The following DYM variants were observed in gnomAD, a reference collection of about 807,000 sequenced individuals.
The protein encoded by DYM is dyggve-Melchior-Clausen syndrome protein.
A neutral mutation model predicts 93.1 loss-of-function variants in DYM; 78 were observed. The ratio of observed to expected loss-of-function variants is 0.84; its 90% confidence interval spans 0.70 to 1.01. DYM has a LOEUF of 1.01. Among genes scored for constraint, DYM ranks in the 50% least tolerant of loss-of-function variants. The probability of loss-of-function intolerance (pLI) is 0.00; values close to 1 mark genes in which losing one functional copy is unlikely to be tolerated. For missense variants in DYM, 789 were observed against 845.0 expected (o/e 0.93, Z 0.82); for synonymous variants, 321 against 319.7 (o/e 1.00, Z -0.04).
At chr18:49,455,115 G>A (rs2082871181) in intron 1 of DYM, among the ~76,000 whole-genome samples, 1 of 152,132 alleles carries the variant, frequency 6.6e-6, no homozygotes, top group East Asian at 1.9e-4. Flanking sequence ...CTCACTAAAG[G>A]GCATGCCTTC....
At chr18:49,329,215 A>G (rs1412387363) in intron 8 of DYM, among the ~76,000 whole-genome samples, 1 of 145,724 alleles carries the variant, frequency 6.9e-6, no homozygotes, top group East Asian at 2.2e-4. Context: ...GTTCTCACTC[A>G]TAGCTGGGAA....
At chr18:49,234,865 T>C (rs940036860) in intron 13 of DYM, among the ~76,000 whole-genome samples, 4 of 152,092 alleles carry the variant, frequency 2.6e-5, no homozygotes, top group Non-Finnish European at 5.9e-5. Context: ...ATTTCAAGCA[T>C]GAGAAGCATC....
intron 8 of DYM, among the ~76,000 whole-genome samples, chr18:49,288,607 C>T (rs1284396811): frequency 6.6e-6 from 1 of 151,754 alleles, no homozygotes; most frequent in Non-Finnish European, 1.5e-5. Flanking sequence ...GGTGAAACCC[C>T]GTCTCTACTA....
chr18:49,196,044 C>A (rs1217939988), intron 14 of DYM, among the ~76,000 whole-genome samples: 2 of 150,968 alleles, frequency 1.3e-5, no homozygotes, highest in African/African-American at 2.4e-5. Flanking sequence ...CCTGCCTCAG[C>A]CTCCCGAGTA....
intron 16 of DYM, among the ~76,000 whole-genome samples, chr18:49,099,875 CAGG>C (rs1221163796): frequency 1.3e-5 from 2 of 152,110 alleles, no homozygotes. Flanking sequence ...GCACTTGTTC[CAGG>C]AGGAGGGGGA....
intron 13 of DYM, among the ~76,000 whole-genome samples, chr18:49,224,250 G>A (rs969399205): frequency 2.6e-4 from 40 of 151,970 alleles, no homozygotes; most frequent in African/African-American, 9.4e-4. Flanking sequence ...TCTGGGAAAG[G>A]GCAAGATTTC....
rs947670035 is a variant in DYM, at chr18:49,043,042, A to G, written c.*1013T>C. 6.6e-6 allele frequency: 1 copy of G among 152,190 alleles called. No homozygotes were observed. The highest frequency in any genetic ancestry group is 1.5e-5 in the Non-Finnish European group (1 of 68,036). The allele number at this position is 152,190 out of a possible 1,614,324, so 9.4% of individuals were successfully genotyped here. A position where few individuals can be genotyped will look rare whatever the true frequency, so the allele number is the denominator to read the frequency against. ...TTAACTTAATTTGTGCTAGACTCCAATTTAATTCCAGCAACAGTTCACAGG... is the reference window on the plus strand; with the variant it reads ...TTAACTTAATTTGTGCTAGACTCCAGTTTAATTCCAGCAACAGTTCACAGG... On this transcript the variant is annotated 3_prime_UTR_variant, in exon 18 of 18. Coordinates refer to ENST00000675505, the MANE Select transcript of DYM (RefSeq NM_001353214.3).
At chr18:49,188,934 CTCA>C (rs1347070096) in intron 14 of DYM, among the ~76,000 whole-genome samples, 1 of 152,144 alleles carries the variant, frequency 6.6e-6, no homozygotes, top group Admixed American at 6.5e-5. Context: ...AACCTAGACG[CTCA>C]TCAATGGTGG....
At chr18:49,422,892 T>A (rs2073878064) in intron 2 of DYM, among the ~76,000 whole-genome samples, 1 of 152,136 alleles carries the variant, frequency 6.6e-6, no homozygotes, top group African/African-American at 2.4e-5. Context: ...CCCAGATTCA[T>A]AAAGCAAGTC....
chr18:49,161,345 A>T (rs1478357809), intron 15 of DYM, among the ~76,000 whole-genome samples: 1 of 152,238 alleles, frequency 6.6e-6, no homozygotes, highest in Admixed American at 6.5e-5. Flanking sequence ...TTCCTCAAAT[A>T]TTAATTTTAT....
intron 16 of DYM, among the ~76,000 whole-genome samples, chr18:49,101,685 A>G (rs1190621543): frequency 6.6e-6 from 1 of 152,198 alleles, no homozygotes; most frequent in Non-Finnish European, 1.5e-5. Flanking sequence ...AACGATAAAC[A>G]TGTAAAATAC....
At chr18:49,191,600 A>G (rs765074834) in intron 14 of DYM, among the ~76,000 whole-genome samples, 9 of 152,342 alleles carry the variant, frequency 5.9e-5, no homozygotes, top group Non-Finnish European at 1.2e-4. Context: ...TAAATGACCA[A>G]GAAAAATGGT....
At chr18:49,357,236 C>T (rs982303665) in intron 6 of DYM, among the ~76,000 whole-genome samples, 3 of 152,198 alleles carry the variant, frequency 2.0e-5, no homozygotes, top group African/African-American at 7.2e-5. Context: ...CCTCTAAGCT[C>T]TTCAAGAGTC....
At chr18:49,432,054 G>A (rs950164938) in intron 1 of DYM, 1 of 152,148 alleles carries the variant, frequency 6.6e-6, no homozygotes, top group East Asian at 1.9e-4. Context: ...GGCTTGTTAA[G>A]CCCAATTAGA....
At chr18:49,271,604 T>A (rs1176743145) in intron 11 of DYM, among the ~76,000 whole-genome samples, 1 of 152,100 alleles carries the variant, frequency 6.6e-6, no homozygotes, top group African/African-American at 2.4e-5. Flanking sequence ...CATGGGTCTG[T>A]TATTTTTCAT....
Position 49,379,656 on chromosome 18 carries a change from C to A in DYM, c.287+9G>T. On this transcript the variant is annotated intron_variant, in intron 4 of 17. Transcript: ENST00000675505. ...TATAAAGCAAACATGGTTTAATTAG[C>A]CAGCTTACTTCTGACATTCTGCTGA... 6.2e-7 allele frequency: 1 copy of A among 1,601,022 alleles called. No individual in the cohort carries two copies. The highest frequency in any genetic ancestry group is 1.7e-5 in the Admixed American group (1 of 59,954).
intron 6 of DYM, among the ~76,000 whole-genome samples, chr18:49,354,363 G>C (rs1047670673): frequency 6.6e-6 from 1 of 151,978 alleles, no homozygotes; most frequent in African/African-American, 2.4e-5. Context: ...ATTATTGATA[G>C]GAAGATTAAA....
intron 13 of DYM, among the ~76,000 whole-genome samples, chr18:49,252,068 G>A (rs191583989): frequency 9.3e-4 from 140 of 151,326 alleles, no homozygotes; most frequent in Non-Finnish European, 1.8e-3. Context: ...ACAAAAATTA[G>A]CCAGGCATGG....
chr18:49,264,862 C>T (rs1388557055), intron 11 of DYM, among the ~76,000 whole-genome samples: 1 of 152,130 alleles, frequency 6.6e-6, no homozygotes, highest in Non-Finnish European at 1.5e-5. Context: ...ACTTAATATC[C>T]TCAAAGTCTA....
Sources: gnomAD v4.1 joint callset for allele counts (sites outside exome capture counted in the v4.1 genomes callset) on GRCh38, gnomAD v4.1.1 for gene constraint, MANE v1.5 for transcripts, NCBI Gene and HGNC (gene_info 2026-07-23, HGNC 2026-07-21) for gene names.